The following UNC13C variants were observed in gnomAD, a reference collection of about 807,000 sequenced individuals.
The protein encoded by UNC13C is protein unc-13 homolog C.
In UNC13C, 174 loss-of-function variants were observed where a neutral mutation model predicts 245.4. The ratio of observed to expected loss-of-function variants is 0.71; its 90% CI spans 0.63 to 0.80. UNC13C has a LOEUF of 0.80. Ranked by LOEUF, UNC13C falls within the 30% of genes least tolerant of loss-of-function variation. The pLI, the probability that UNC13C is intolerant of heterozygous loss-of-function variation, is 0.00. For synonymous variants in UNC13C, 992 were observed against 895.1 expected, an observed-to-expected ratio of 1.11 and a Z score of -1.93; for missense variants, 2,829 against 2,602.9, an observed-to-expected ratio of 1.09 and a Z score of -1.89.
At chr15:54,551,809 A>G (rs1401438562) in intron 28 of UNC13C, among the ~76,000 whole-genome samples, 1 of 151,932 alleles carries the variant, frequency 6.6e-6, no homozygotes, top group East Asian at 1.9e-4. Flanking sequence ...TACTATTTGA[A>G]TTACAGAGCA....
intron 29 of UNC13C, among the ~76,000 whole-genome samples, chr15:54,562,825 A>T (rs565682930): frequency 4.6e-5 from 7 of 152,112 alleles, no homozygotes; most frequent in African/African-American, 1.2e-4. Flanking sequence ...TCCACTTTTC[A>T]TATTTCTTAT....
At position 54,012,856 on chromosome 15, in the gene UNC13C, T is replaced by A. The variant is rs1264624514; in HGVS notation, c.-48T>A. On this transcript the variant is annotated 5_prime_UTR_variant, in exon 2 of 33. Coordinates refer to ENST00000260323, the MANE Select transcript of UNC13C (RefSeq NM_001080534.3). ...TTGGATTTTCAGGTTTTCATCCTGA[T>A]ACTTGTTTACTTTTCTGGGGCAGAA... The A allele has an allele frequency of 1.4e-6, 2 of 1,423,036 alleles. No homozygotes were observed. Among genetic ancestry groups the A allele is most frequent in the Non-Finnish European group, 1.9e-6 (2 of 1,044,734 alleles). The allele number at this position is 1,423,036 out of a possible 1,614,324, so 88.2% of individuals were successfully genotyped here.
chr15:54,385,949 G>A (rs2039828639), intron 17 of UNC13C, among the ~76,000 whole-genome samples: 1 of 152,142 alleles, frequency 6.6e-6, no homozygotes. Context: ...AACTGCAAAT[G>A]AGTGCTCAGG....
rs554703862 is a variant in UNC13C, at chr15:54,360,979, C to T, written c.4713+22490C>T. Among the ~76,000 whole-genome samples the T allele has an allele frequency of 3.3e-5, 5 of 152,196 alleles. No homozygotes were observed. In the East Asian group the frequency reaches 9.6e-4, roughly 29 times the overall value. ...AATTTGGTTGGCAATCTCTGTGTTT[C>T]TTGTACCTGAATGCTGTCATCTTTC... is the stretch of plus-strand genomic sequence containing the variant. On this transcript the variant is annotated intron_variant, in intron 17 of 32. Coordinates refer to ENST00000260323, the MANE Select transcript of UNC13C (RefSeq NM_001080534.3).
chr15:53,853,769 T>G, the UNC13C span, among the ~76,000 whole-genome samples: 1 of 152,216 alleles, frequency 6.6e-6, no homozygotes. Flanking sequence ...TTTTCATACA[T>G]TTGTTGCCCA....
At chr15:54,317,246 CAT>C (rs1339048817) in intron 13 of UNC13C, among the ~76,000 whole-genome samples, 2 of 151,882 alleles carry the variant, frequency 1.3e-5, no homozygotes, top group South Asian at 2.1e-4. Context: ...CTGTGAATAA[CAT>C]ATGTTAGCAC....
chr15:54,290,126 T>C (rs1251208416), intron 10 of UNC13C, among the ~76,000 whole-genome samples: 1 of 152,098 alleles, frequency 6.6e-6, no homozygotes, highest in Non-Finnish European at 1.5e-5. Flanking sequence ...CTCTTACCTT[T>C]GCTCTGTGAA....
intron 30 of UNC13C, among the ~76,000 whole-genome samples, chr15:54,612,569 C>G (rs1900172150): frequency 6.6e-6 from 1 of 151,884 alleles, no homozygotes; most frequent in African/African-American, 2.4e-5. Context: ...AACTTTTTCC[C>G]CAATAGTAAA....
chr15:53,894,050 G>C, the UNC13C span, among the ~76,000 whole-genome samples: 1 of 152,206 alleles, frequency 6.6e-6, no homozygotes, highest in East Asian at 1.9e-4. Flanking sequence ...GGAGCACACA[G>C]TTCCTCAGGC....
chr15:54,221,710 A>T (rs2035231648), intron 4 of UNC13C, among the ~76,000 whole-genome samples: 1 of 152,040 alleles, frequency 6.6e-6, no homozygotes, highest in African/African-American at 2.4e-5. Flanking sequence ...TTGTTTTGGC[A>T]ACACAGAAAT....
At chr15:54,515,371 G>T (rs573879131) in intron 24 of UNC13C, among the ~76,000 whole-genome samples, 2 of 152,024 alleles carry the variant, frequency 1.3e-5, no homozygotes, top group Admixed American at 6.6e-5. Flanking sequence ...GAGTGATTAC[G>T]TTAGGTTACA....
At chr15:53,915,594 G>A in the UNC13C span, among the ~76,000 whole-genome samples, 1 of 152,018 alleles carries the variant, frequency 6.6e-6, no homozygotes, top group Non-Finnish European at 1.5e-5. Context: ...TGGCAAATAG[G>A]CAAAATATTT....
Position 54,567,816 on chromosome 15 carries a change from G to C in UNC13C, c.5975G>C (p.Gly1992Ala), listed in dbSNP as rs1263155818. ...LATIKQYFHA[G>A]GNGLKKNFLE... ...TCTTTGTAGCAATACTTTCATGCAG[G>C]AGGAAATGGCCTGAAAAAGAATTTC... is the stretch of plus-strand genomic sequence containing the variant. The change falls in exon 30 of 33, where the codon GGA (glycine) becomes GCA (alanine). Residue 1992 changes from glycine (G) to alanine (A), a missense_variant. Gly to Ala is a moderately conservative substitution (Grantham distance 60). Coordinates refer to ENST00000260323, the MANE Select transcript of UNC13C (RefSeq NM_001080534.3). 1.9e-6 allele frequency: 3 copies of C among 1,601,792 alleles called. No homozygotes were observed. The South Asian group carries it at 3.4e-5, about 18-fold the overall frequency.
intron 4 of UNC13C, among the ~76,000 whole-genome samples, chr15:54,191,943 A>C (rs1203903959): frequency 6.6e-6 from 1 of 151,968 alleles, no homozygotes; most frequent in Non-Finnish European, 1.5e-5. Flanking sequence ...TAGATTCTAG[A>C]TATTAGCCCT....
At position 54,628,545 on chromosome 15, in the gene UNC13C, A is replaced by G. The variant is rs1334669819; in HGVS notation, c.*1432A>G. 2.6e-5 allele frequency: 4 copies of G among 152,634 alleles called. No individual in the cohort carries two copies. Among genetic ancestry groups the G allele is most frequent in the Admixed American group, 2.6e-4 (4 of 15,268 alleles). 9.5% of individuals were successfully genotyped at this position (152,634 alleles called of 1,614,324 possible). On this transcript the variant is annotated 3_prime_UTR_variant, in exon 33 of 33. Coordinates refer to ENST00000260323, the MANE Select transcript of UNC13C (RefSeq NM_001080534.3). ...CTTTGTTAATGACTCCTCTAAATGC[A>G]TAGTGTGATGCGATCCTCTGGCATA...
intron 13 of UNC13C, among the ~76,000 whole-genome samples, chr15:54,302,229 A>T (rs970759096): frequency 2.6e-5 from 4 of 152,022 alleles, no homozygotes; most frequent in Non-Finnish European, 5.9e-5. Context: ...ATTTTCTCTC[A>T]TTCTGTAGGT....
At chr15:53,940,517 A>G in the UNC13C span, among the ~76,000 whole-genome samples, 3 of 152,076 alleles carry the variant, frequency 2.0e-5, no homozygotes, top group Non-Finnish European at 2.9e-5. Context: ...AAAACAGAGG[A>G]AGTCAAATTA....
rs375543334 is a variant in UNC13C, at chr15:54,624,216, A to G, written c.6359+262A>G. 5.3e-5 allele frequency among the ~76,000 whole-genome samples: 8 copies of G among 152,304 alleles called. No homozygotes were observed. The East Asian group carries it at 1.5e-3, about 29-fold the overall frequency. On this transcript the variant is annotated intron_variant, in intron 32 of 32. Transcript: ENST00000260323. The stretch of plus-strand genomic sequence containing the variant: ...GTTACTTTCTACAGATGAGGAGTGT[A>G]TGATAAAGTCACAAATATTTGTCAT...
At chr15:54,545,341 A>C (rs1052657979) in intron 26 of UNC13C, among the ~76,000 whole-genome samples, 1 of 152,194 alleles carries the variant, frequency 6.6e-6, no homozygotes, top group African/African-American at 2.4e-5. Context: ...AAACCATAAC[A>C]TCCCTAGAAG....
Sources: allele counts gnomAD v4.1 joint callset (sites outside exome capture counted in the v4.1 genomes callset), GRCh38; gene constraint gnomAD v4.1.1; transcripts MANE v1.5; gene names NCBI Gene and HGNC (gene_info 2026-07-23, HGNC 2026-07-21).